ETS1: variants seen among roughly 807,000 people sequenced by gnomAD.
ETS1 encodes ETS proto-oncogene 1, transcription factor.
Under a neutral mutation model 58.6 loss-of-function variants are expected in ETS1, and 15 were observed. The ratio of observed to expected loss-of-function variants is 0.26; its 90% CI spans 0.17 to 0.39. The LOEUF (loss-of-function observed/expected upper bound fraction) is 0.39, where lower values mean the gene tolerates loss of function less well. ETS1 is among the 10% of genes least tolerant of loss of function. The pLI, the probability that ETS1 is intolerant of heterozygous loss-of-function variation, is 1.00. For missense variants in ETS1, 417 were observed against 610.5 expected (o/e 0.68, Z 3.34); for synonymous variants, 214 against 218.2 (o/e 0.98, Z 0.17).
At chr11:128,586,935 A>T (rs1230016997) in intron 1 of ETS1, among the ~76,000 whole-genome samples, 1 of 152,176 alleles carries the variant, frequency 6.6e-6, no homozygotes, top group East Asian at 1.9e-4. Flanking sequence ...AGACTTAGGA[A>T]CTTGTAGATC....
intron 1 of ETS1, among the ~76,000 whole-genome samples, chr11:128,583,836 A>T (rs961490080): frequency 3.3e-5 from 5 of 152,162 alleles, no homozygotes; most frequent in African/African-American, 1.2e-4. Flanking sequence ...TAAGTTCTGA[A>T]GGCAGCTCCA....
intron 3 of ETS1, among the ~76,000 whole-genome samples, chr11:128,501,861 G>C (rs1365688740): frequency 4.6e-5 from 7 of 152,208 alleles, no homozygotes; most frequent in Admixed American, 4.6e-4. Context: ...ACAATATTCA[G>C]TTGGTCTCCC....
At chr11:128,556,141 T>C (rs1591660141) in intron 3 of ETS1, 150 bp downstream of exon 3, 2 of 601,268 alleles carry the variant, frequency 3.3e-6, no homozygotes, top group Non-Finnish European at 2.7e-6. Context: ...CCAAAATTTA[T>C]GGAGAAGGCC....
At chr11:128,499,402 T>A (rs1255716845) in intron 3 of ETS1, among the ~76,000 whole-genome samples, 1 of 134,372 alleles carries the variant, frequency 7.4e-6, no homozygotes, top group Admixed American at 8.1e-5. Context: ...TATTCTCATA[T>A]GATTTTTCAA....
chr11:128,487,612 G>A (rs982431431), intron 5 of ETS1, among the ~76,000 whole-genome samples: 3 of 152,038 alleles, frequency 2.0e-5, no homozygotes, highest in African/African-American at 4.8e-5. Flanking sequence ...GGTGGCATGC[G>A]CCTGTAGTCC....
intron 3 of ETS1, among the ~76,000 whole-genome samples, chr11:128,514,770 G>A (rs1004976021): frequency 1.3e-5 from 2 of 152,182 alleles, no homozygotes; most frequent in African/African-American, 4.8e-5. Context: ...ATGACCACAG[G>A]CAAGGAGTAG....
intron 3 of ETS1, among the ~76,000 whole-genome samples, chr11:128,516,001 A>G (rs926764357): frequency 1.3e-5 from 2 of 152,198 alleles, no homozygotes; most frequent in Non-Finnish European, 2.9e-5. Context: ...GAATAGCAAT[A>G]TTTTGAGCGT....
intron 3 of ETS1, among the ~76,000 whole-genome samples, chr11:128,525,309 A>G (rs1033803894): frequency 2.0e-5 from 3 of 152,174 alleles, no homozygotes; most frequent in African/African-American, 7.2e-5. Context: ...CACATGGAGT[A>G]TGTAAAAAGC....
chr11:128,571,356 G>T (rs2135578435), intron 2 of ETS1, among the ~76,000 whole-genome samples: 1 of 151,792 alleles, frequency 6.6e-6, no homozygotes, highest in Admixed American at 6.6e-5. Context: ...GGCTGAGCTT[G>T]CAGGGAGCTA....
rs200782788 is a variant in ETS1 at position 128,484,925 on chromosome 11, G to A, written c.760C>T (p.Leu254Phe). 2.2e-5 allele frequency: 36 copies of A among 1,613,958 alleles called. No individual in the cohort carries two copies. Among genetic ancestry groups the A allele is most frequent in the Non-Finnish European group, 8.5e-7 (1 of 1,179,974 alleles). The change falls in exon 7 of 10, where the codon CTC (leucine) becomes TTC (phenylalanine). Residue 254 changes from leucine to phenylalanine, a missense_variant. Coordinates refer to ENST00000392668, the MANE Select transcript of ETS1 (RefSeq NM_001143820.2). ...GTGTCTGTCTGGAGAGGGTCTCGGA[G>A]AATGACCGAGGGGTAGTCATTCTCA... ...KYENDYPSVI[L>F]RDPLQTDTLQ...
At position 128,580,617 on chromosome 11, in the gene ETS1, C is replaced by T. The variant is rs1347064606; in HGVS notation, c.-15+6871G>A. Among the ~76,000 whole-genome samples the T allele has an allele frequency of 3.9e-5, 6 of 152,224 alleles. No homozygotes were observed. The East Asian group carries it at 1.2e-3, about 29-fold the overall frequency. On this transcript the variant is annotated intron_variant, in intron 1 of 9. Transcript: ENST00000392668. ...TCATTTGCTTGACTAAGTAATCCAA[C>T]ATTACAGTAGTAGTGAATATTCCTT... is the stretch of plus-strand genomic sequence containing the variant.
chr11:128,522,733 G>GTAGTTTTCCAAGTGCGTGTACA, intron 3 of ETS1, among the ~76,000 whole-genome samples: 2 of 152,362 alleles, frequency 1.3e-5, no homozygotes, highest in South Asian at 4.1e-4. Flanking sequence ...CCCAGTAGCA[G>GTAGTTTTCCAAGTGCGTGTACA]CATAGTTTTC....
At position 128,462,260 on chromosome 11, in the gene ETS1, T is replaced by C; in HGVS notation, c.*101A>G. On this transcript the variant is annotated 3_prime_UTR_variant, in exon 10 of 10. Coordinates refer to ENST00000392668, the MANE Select transcript of ETS1 (RefSeq NM_001143820.2). ...ACCCCTGAAGGTAAAAAATGAGTTC[T>C]GGAAAATAAAAAATAGAATAACAAT... The C allele has an allele frequency of 1.0e-6, 1 of 959,386 alleles. No individual in the cohort carries two copies. The highest frequency in any genetic ancestry group is 1.6e-6 in the Non-Finnish European group (1 of 635,216). The allele number at this position is 959,386 out of a possible 1,614,324, so 59.4% of individuals were successfully genotyped here.
At chr11:128,502,477 G>T (rs988362594) in intron 3 of ETS1, among the ~76,000 whole-genome samples, 1 of 152,106 alleles carries the variant, frequency 6.6e-6, no homozygotes. Flanking sequence ...AGTCTTATTA[G>T]GTCTGTTAAT....
chr11:128,475,903 T>TGTGTGTGA (rs1351087429), intron 8 of ETS1, among the ~76,000 whole-genome samples: 3 of 150,324 alleles, frequency 2.0e-5, no homozygotes, highest in African/African-American at 7.3e-5. Flanking sequence ...TGTGTGTGTG[T>TGTGTGTGA]GATGTCTCAC....
At chr11:128,558,246 A>G (rs1223443120) in intron 2 of ETS1, among the ~76,000 whole-genome samples, 1 of 152,192 alleles carries the variant, frequency 6.6e-6, no homozygotes, top group African/African-American at 2.4e-5. Flanking sequence ...AGGGGCCTTG[A>G]TGAGCACTGT....
intron 3 of ETS1, among the ~76,000 whole-genome samples, chr11:128,531,745 T>C (rs1474581946): frequency 1.3e-5 from 2 of 152,268 alleles, no homozygotes; most frequent in Non-Finnish European, 2.9e-5. Context: ...CTCCACTCTC[T>C]GGATTGCACG....
intron 3 of ETS1, among the ~76,000 whole-genome samples, chr11:128,502,593 T>C (rs1056821010): frequency 6.6e-6 from 1 of 152,252 alleles, no homozygotes; most frequent in Non-Finnish European, 1.5e-5. Flanking sequence ...CACAGATATG[T>C]ATGCATTACA....
intron 3 of ETS1, among the ~76,000 whole-genome samples, chr11:128,502,816 G>C (rs2135484315): frequency 6.6e-6 from 1 of 152,342 alleles, no homozygotes; most frequent in South Asian, 2.1e-4. Context: ...AACTGAACAT[G>C]AGGAGAGCCT....
Sources: gnomAD v4.1 joint callset for allele counts (sites outside exome capture counted in the v4.1 genomes callset) on GRCh38, gnomAD v4.1.1 for gene constraint, MANE v1.5 for transcripts, NCBI Gene and HGNC (gene_info 2026-07-23, HGNC 2026-07-21) for gene names.